Variants in SRGAP2 observed in about 807,000 individuals in gnomAD.
SRGAP2 encodes SLIT-ROBO Rho GTPase activating protein 2.
In SRGAP2, 15 loss-of-function variants were observed where a neutral mutation model predicts 57.2. That is an observed-to-expected ratio of 0.26 (90% CI 0.18 to 0.40). The LOEUF (loss-of-function observed/expected upper bound fraction) is 0.40. SRGAP2 is among the 10% of genes least tolerant of loss of function. The pLI is 1.00. For synonymous variants in SRGAP2, 249 were observed against 248.0 expected, an observed-to-expected ratio of 1.00 and a Z score of -0.04; for missense variants, 520 against 669.6, an observed-to-expected ratio of 0.78 and a Z score of 2.47.
intron 3 of SRGAP2, among the ~76,000 whole-genome samples, chr1:206,340,063 T>C (rs1553334744): frequency 6.6e-6 from 1 of 151,640 alleles, no homozygotes; most frequent in African/African-American, 2.4e-5. Flanking sequence ...GTGCTGGGAT[T>C]GCAGGTGTGA....
At chr1:206,373,102 T>C (rs1302262529) in intron 4 of SRGAP2, among the ~76,000 whole-genome samples, 214 of 120,518 alleles carry the variant, frequency 1.8e-3, no homozygotes, top group African/African-American at 7.9e-3. Context: ...TTTTTTTCTT[T>C]TTTTTTTTTT....
At chr1:206,455,396 T>TC (rs1553378062) in intron 21 of SRGAP2, 2 of 265,566 alleles carry the variant, frequency 7.5e-6, no homozygotes, top group Non-Finnish European at 1.5e-5. Flanking sequence ...TTTTTTCCAA[T>TC]CCATACTCAA....
At chr1:206,423,949 ATTTTTTTTTTTTT>A (rs782243765) in intron 13 of SRGAP2, among the ~76,000 whole-genome samples, 1 of 87,744 alleles carries the variant, frequency 1.1e-5, no homozygotes, top group Non-Finnish European at 2.3e-5. Context: ...TAATTTATGT[ATTTTTTTTTTTTT>A]TTTTTTTTTT....
chr1:206,299,428 CTA>C (rs1388532103), intron 2 of SRGAP2, among the ~76,000 whole-genome samples: 1 of 131,244 alleles, frequency 7.6e-6, no homozygotes, highest in Non-Finnish European at 1.6e-5. Context: ...AGGAGTTCCT[CTA>C]TGTTTTTAAA....
intron 19 of SRGAP2, among the ~76,000 whole-genome samples, chr1:206,451,116 A>T (rs1240452059): frequency 4.3e-5 from 3 of 70,018 alleles, no homozygotes; most frequent in Admixed American, 1.8e-4. Flanking sequence ...GACCCTGTCT[A>T]AAAAAAAAAA....
rs115399917 is a variant in SRGAP2, at chr1:206,411,548, A to G, written c.1357-4341A>G. 1.0e-2 allele frequency among the ~76,000 whole-genome samples: 1,515 copies of G among 152,260 alleles called. 33 individuals carry two copies. Among genetic ancestry groups the G allele is most frequent in the African/African-American group, 0.035 (1,447 of 41,530 alleles). ...TTTAAAAATTGACGGGGAGGAGGGG[A>G]AATGTCAGCATGCCTGCATGGTGGG... On this transcript the variant is annotated intron_variant, in intron 10 of 22. Transcript: ENST00000573034.
intron 2 of SRGAP2, among the ~76,000 whole-genome samples, chr1:206,274,201 C>T (rs1670283109): frequency 7.0e-6 from 1 of 142,660 alleles, no homozygotes; most frequent in Non-Finnish European, 1.5e-5. Context: ...CCTGTAATCC[C>T]AGCTACTCAG....
At chr1:206,270,561 C>G (rs1251292921) in intron 2 of SRGAP2, among the ~76,000 whole-genome samples, 10 of 147,856 alleles carry the variant, frequency 6.8e-5, no homozygotes, top group Admixed American at 4.7e-4. Context: ...TTTATGGCAG[C>G]AAAAAATTGG....
chr1:206,456,932 G>C (rs367883700), intron 21 of SRGAP2, among the ~76,000 whole-genome samples: 21 of 152,302 alleles, frequency 1.4e-4, no homozygotes, highest in East Asian at 1.4e-3. Context: ...TCAGTCCGAA[G>C]ACTTAGCTCT....
chr1:206,203,840 A>C lies in SRGAP2; in HGVS notation c.-543+190A>C, dbSNP rs533650800. On this transcript the variant is annotated intron_variant, in intron 1 of 22. Coordinates refer to ENST00000573034, the MANE Select transcript of SRGAP2 (RefSeq NM_015326.5). ...TCCAAATCTCCCAGTACAGCCCATAATACTTCTCAGGACTGCGAGTCTCTC... is the reference window on the plus strand; with the variant it reads ...TCCAAATCTCCCAGTACAGCCCATACTACTTCTCAGGACTGCGAGTCTCTC... The C allele has an allele frequency of 3.7e-4, 554 of 1,514,968 alleles. 1 individual carries two copies. In the African/African-American group the frequency reaches 5.5e-3, roughly 15 times the overall value. 93.8% of individuals were successfully genotyped at this position (1,514,968 alleles called of 1,614,324 possible).
chr1:206,283,936 C>T (rs1340260607), intron 2 of SRGAP2, among the ~76,000 whole-genome samples: 3 of 125,594 alleles, frequency 2.4e-5, no homozygotes, highest in Non-Finnish European at 4.9e-5. Context: ...ATTATGTAAG[C>T]GTGTGATTTG....
intron 4 of SRGAP2, among the ~76,000 whole-genome samples, chr1:206,370,821 G>A (rs566874844): frequency 5.6e-4 from 85 of 152,310 alleles, no homozygotes; most frequent in African/African-American, 1.9e-3. Flanking sequence ...AGAGCTCAAT[G>A]TGTAGATCAA....
At chr1:206,460,494 G>T (rs1664171458) in intron 22 of SRGAP2, among the ~76,000 whole-genome samples, 1 of 152,076 alleles carries the variant, frequency 6.6e-6, no homozygotes, top group African/African-American at 2.4e-5. Context: ...GGGGCGGGGG[G>T]AGGCGTATTG....
chr1:206,418,588 C>A (rs181283001), intron 11 of SRGAP2, among the ~76,000 whole-genome samples: 2 of 152,332 alleles, frequency 1.3e-5, no homozygotes, highest in Admixed American at 6.5e-5. Flanking sequence ...TATATTACAT[C>A]ATTTCCCATG....
intron 2 of SRGAP2, among the ~76,000 whole-genome samples, chr1:206,230,379 A>G (rs1489252623): frequency 6.8e-6 from 1 of 146,256 alleles, no homozygotes; most frequent in East Asian, 2.0e-4. Context: ...GGTGAAGTGT[A>G]TGCCAGCGTT....
intron 16 of SRGAP2, 53 bp downstream of exon 16, chr1:206,438,151 A>T: frequency 1.3e-6 from 1 of 767,662 alleles, no homozygotes; most frequent in South Asian, 1.4e-5. Context: ...ACCGGTAGCA[A>T]GAGAGAAAAA....
Position 206,461,894 on chromosome 1 carries a change from A to G in SRGAP2, c.*474A>G. On this transcript the variant is annotated 3_prime_UTR_variant, in exon 23 of 23. Coordinates refer to ENST00000573034, the MANE Select transcript of SRGAP2 (RefSeq NM_015326.5). ...ACACACACATATTTTACACACACAC[A>G]CATTTTACACACACACACACACACA... is the stretch of plus-strand genomic sequence containing the variant. The G allele has an allele frequency of 8.0e-6, 1 of 124,800 alleles. No individual in the cohort carries two copies. The highest frequency in any genetic ancestry group is 7.6e-5 in the Admixed American group (1 of 13,210). 7.7% of individuals were successfully genotyped at this position (124,800 alleles called of 1,614,324 possible).
At chr1:206,326,992 T>C (rs1673946539) in intron 3 of SRGAP2, among the ~76,000 whole-genome samples, 1 of 151,962 alleles carries the variant, frequency 6.6e-6, no homozygotes, top group Admixed American at 6.6e-5. Context: ...CATGCCCCTG[T>C]ACTCCAACCT....
chr1:206,238,652 CACTT>C (rs1668025488), intron 2 of SRGAP2, among the ~76,000 whole-genome samples: 1 of 139,280 alleles, frequency 7.2e-6, no homozygotes, highest in Non-Finnish European at 1.6e-5. Context: ...GAGAAACTGA[CACTT>C]ACTTTTGGCT....
Sources: allele counts gnomAD v4.1 joint callset (sites outside exome capture counted in the v4.1 genomes callset), GRCh38; gene constraint gnomAD v4.1.1; transcripts MANE v1.5; gene names NCBI Gene and HGNC (gene_info 2026-07-23, HGNC 2026-07-21).